The following PDE12 variants were observed in gnomAD, a reference collection of about 807,000 sequenced individuals.
The protein encoded by PDE12 is phosphodiesterase 12, also known as 2',5'-phosphodiesterase 12.
Under a neutral mutation model 45.4 loss-of-function variants are expected in PDE12, and 26 were observed. That is an observed-to-expected ratio of 0.57 (90% confidence interval 0.42 to 0.79). The LOEUF (loss-of-function observed/expected upper bound fraction) is 0.79, where lower values mean the gene tolerates loss of function less well. PDE12 is among the 30% of genes least tolerant of loss of function. The pLI is 0.00. For synonymous variants in PDE12, 283 were observed against 323.9 expected (o/e 0.87, Z 1.36); for missense variants, 668 against 790.0 (o/e 0.85, Z 1.85).
At chr3:57,604,601 CTTTT>C in the PDE12 span, among the ~76,000 whole-genome samples, 46 of 44,504 alleles carry the variant, frequency 1.0e-3, no homozygotes, top group East Asian at 3.1e-3. Context: ...CTTTTTCTTT[CTTTT>C]TTTTTTTTTT....
rs753683088 is a variant in PDE12 at position 57,556,424 on chromosome 3, G to A, written c.45G>A (p.Arg15=). 12 of 1,610,498 alleles carry A rather than the reference G, an allele frequency of 7.5e-6. No individual in the cohort carries two copies. Among genetic ancestry groups the A allele is most frequent in the Middle Eastern group, 1.7e-4 (1 of 5,982 alleles). The part of the protein sequence containing the change: ...PGARAALRVI[R]TAVEKLSRAE... ...CCCGCGCCGCGCTTCGGGTGATCCG[G>A]ACGGCGGTGGAGAAGCTGAGCCGGG... Residue 15 remains arginine, a synonymous_variant, in exon 1 of 3, where the codon CGG becomes CGA. Coordinates refer to ENST00000311180, the MANE Select transcript of PDE12 (RefSeq NM_177966.7). The surrounding 1 kb of genome is among the most constrained non-coding windows in gnomAD (Gnocchi z 5.0).
the PDE12 span, among the ~76,000 whole-genome samples, chr3:57,573,772 G>C: frequency 4.6e-5 from 7 of 152,126 alleles, no homozygotes; most frequent in Non-Finnish European, 1.0e-4. Context: ...AGTAGAGACA[G>C]AGTTTTACCA....
chr3:57,593,693 TAAC>T, the PDE12 span, among the ~76,000 whole-genome samples: 1 of 152,306 alleles, frequency 6.6e-6, no homozygotes, highest in Non-Finnish European at 1.5e-5. Flanking sequence ...AGGATTCACT[TAAC>T]AACATTACAT....
At chr3:57,646,287 A>AC in the PDE12 span, 4 of 1,585,380 alleles carry the variant, frequency 2.5e-6, no homozygotes, top group Non-Finnish European at 3.4e-6. Context: ...CAAAAAAAAA[A>AC]CCCAGAAATA....
At chr3:57,651,569 T>G in the PDE12 span, among the ~76,000 whole-genome samples, 1 of 152,168 alleles carries the variant, frequency 6.6e-6, no homozygotes, top group African/African-American at 2.4e-5. Flanking sequence ...GATGAAAATG[T>G]TCTGGAATTA....
chr3:57,642,827 G>A, the PDE12 span, among the ~76,000 whole-genome samples: 1 of 152,118 alleles, frequency 6.6e-6, no homozygotes, highest in Middle Eastern at 3.2e-3. Flanking sequence ...CCAACACGGT[G>A]AAACCCCATC....
the PDE12 span, chr3:57,629,012 T>C: frequency 1.6e-6 from 1 of 640,804 alleles, no homozygotes; most frequent in Admixed American, 3.5e-5. Context: ...TTAACCCAGA[T>C]ATAGCATTAT....
the PDE12 span, among the ~76,000 whole-genome samples, chr3:57,639,467 T>C: frequency 2.0e-5 from 3 of 152,200 alleles, no homozygotes; most frequent in Non-Finnish European, 2.9e-5. Flanking sequence ...AAACAATCAG[T>C]AGTCTACTAC....
the PDE12 span, among the ~76,000 whole-genome samples, chr3:57,576,824 A>C: frequency 9.2e-5 from 14 of 152,284 alleles, no homozygotes; most frequent in Middle Eastern, 6.8e-3. Context: ...TACTTTCAGA[A>C]GGAATTCCTT....
chr3:57,556,930 G>T lies in PDE12; in HGVS notation c.551G>T (p.Ser184Ile). 1 of 1,614,190 alleles carries T rather than the reference G, an allele frequency of 6.2e-7. No homozygotes were observed. Among genetic ancestry groups the T allele is most frequent in the East Asian group, 2.2e-5 (1 of 44,880 alleles). Residue 184 changes from serine (S) to isoleucine (I), a missense_variant, in exon 1 of 3, where the codon AGC becomes ATC. Physicochemically the swap from Ser to Ile is moderately radical, Grantham distance 142. This residue lies in a region of PDE12 where 580 missense variants were observed against 662.9 expected (regional missense o/e 0.87). Coordinates refer to ENST00000311180, the MANE Select transcript of PDE12 (RefSeq NM_177966.7). This position sits in a 1 kb window ranked among gnomAD's most constrained non-coding sequence, Gnocchi z 5.0. ...MAGFPVCPKL[S>I]LEFGDPASSL... ...GGGTTCCCTGTGTGCCCCAAACTCA[G>T]CCTCGAATTTGGGGATCCCGCCAGC...
In PDE12 at chr3:57,560,203, A is replaced by G. The variant is rs771996000; in HGVS notation, c.*199A>G. The G allele has an allele frequency of 5.1e-5, 65 of 1,282,736 alleles. No individual in the cohort carries two copies. Among genetic ancestry groups the G allele is most frequent in the Non-Finnish European group, 6.0e-5 (61 of 1,016,892 alleles). 79.5% of individuals were successfully genotyped at this position (1,282,736 alleles called of 1,614,324 possible). A position where few individuals can be genotyped will look rare whatever the true frequency, so the allele number is the denominator to read the frequency against. On this transcript the variant is annotated 3_prime_UTR_variant, in exon 3 of 3. Coordinates refer to ENST00000311180, the MANE Select transcript of PDE12 (RefSeq NM_177966.7). ...TTCTCTTTCCTTGTTTTCCTCTACA[A>G]TTGGAGGAGAAACAAATATATTTCT...
At chr3:57,632,571 A>C in the PDE12 span, among the ~76,000 whole-genome samples, 1 of 152,178 alleles carries the variant, frequency 6.6e-6, no homozygotes, top group East Asian at 1.9e-4. Context: ...CCAAGAAATA[A>C]TATTTCTTTC....
At chr3:57,655,038 T>G in the PDE12 span, 1 of 154,962 alleles carries the variant, frequency 6.5e-6, no homozygotes, top group East Asian at 1.9e-4. Context: ...AAACAAGAAT[T>G]TTTTTTTTTT....
At chr3:57,597,950 G>T in the PDE12 span, 1 of 152,318 alleles carries the variant, frequency 6.6e-6, no homozygotes. Context: ...GCTAGGGCTA[G>T]ACGCTTCGAC....
At chr3:57,627,536 A>C in the PDE12 span, 1 of 152,164 alleles carries the variant, frequency 6.6e-6, no homozygotes, top group Non-Finnish European at 1.5e-5. Context: ...GGTAACATTA[A>C]ATTTTGAAAA....
rs776674403 is a variant in PDE12 at position 57,556,639 on chromosome 3, C to G, written c.260C>G (p.Ala87Gly). Residue 87 changes from alanine to glycine, a missense_variant, in exon 1 of 3, where the codon GCT (alanine) becomes GGT (glycine). Physicochemically the swap from Ala to Gly is moderately conservative, Grantham distance 60 (BLOSUM62 0). This residue lies in a region of PDE12 where 580 missense variants were observed against 662.9 expected (regional missense o/e 0.87). Transcript: ENST00000311180. The surrounding 1 kb of genome is among the most constrained non-coding windows in gnomAD (Gnocchi z 5.0). ...GCTACCAATGCCCTAAAGGGTCACG[C>G]TAAGGCGGCCGCCGCCAAGAAGAGC... ...RIATNALKGH[A>G]KAAAAKKSRK... 1 of 1,602,782 alleles carries G rather than the reference C, an allele frequency of 6.2e-7. No homozygotes were observed. Among genetic ancestry groups the G allele is most frequent in the Admixed American group, 1.7e-5 (1 of 59,584 alleles).
the PDE12 span, among the ~76,000 whole-genome samples, chr3:57,593,659 A>T: frequency 6.6e-6 from 1 of 152,226 alleles, no homozygotes; most frequent in African/African-American, 2.4e-5. Flanking sequence ...ACACATTAGT[A>T]TTTTTGGATA....
chr3:57,558,636 G>A (rs1040559539), intron 1 of PDE12, among the ~76,000 whole-genome samples: 17 of 152,092 alleles, frequency 1.1e-4, no homozygotes, highest in African/African-American at 3.4e-4. Context: ...GACTAGAGGC[G>A]CGTGCCACCA....
the PDE12 span, among the ~76,000 whole-genome samples, chr3:57,588,345 G>A: frequency 2.7e-5 from 4 of 150,706 alleles, no homozygotes; most frequent in Admixed American, 1.3e-4. Flanking sequence ...CAGGCGGATC[G>A]CTTGAGCCCA....
Sources: allele counts gnomAD v4.1 joint callset (sites outside exome capture counted in the v4.1 genomes callset), GRCh38; gene constraint gnomAD v4.1.1; regional missense constraint gnomAD v4.1.1; non-coding constraint Gnocchi (gnomAD v3.1); transcripts MANE v1.5; gene names NCBI Gene and HGNC (gene_info 2026-07-23, HGNC 2026-07-21).